MRPL38: variants seen among roughly 807,000 people sequenced by gnomAD.
MRPL38 encodes mitochondrial ribosomal protein L38, also known as large ribosomal subunit protein mL38.
MRPL38 carries 51 observed loss-of-function variants against 52.1 expected under a neutral mutation model. The observed-to-expected ratio is 0.98, with a 90% CI of 0.78 to 1.24. The LOEUF (loss-of-function observed/expected upper bound fraction) is 1.24, where lower values mean the gene tolerates loss of function less well. Ranked by LOEUF, MRPL38 falls within the 50% of genes most tolerant of loss-of-function variation. MRPL38 has a pLI of 0.00. For missense variants in MRPL38, 527 were observed against 518.6 expected, an observed-to-expected ratio of 1.02 and a Z score of -0.16; for synonymous variants, 245 against 212.7, an observed-to-expected ratio of 1.15 and a Z score of -1.32.
intron 6 of MRPL38, 137 bp from the exon 7 acceptor site, chr17:75,899,811 A>G (rs1300347093): frequency 2.9e-6 from 2 of 700,614 alleles, no homozygotes; most frequent in Non-Finnish European, 4.1e-6. Context: ...GGGACAGAGG[A>G]GGCAGCCAAG....
At chr17:75,904,271 G>A (rs1377237947) in intron 2 of MRPL38, 3 of 632,646 alleles carry the variant, frequency 4.7e-6, no homozygotes, top group South Asian at 4.5e-5. Context: ...CGGAAAGTCA[G>A]GTGGTCAAGA....
chr17:75,904,603 C>G lies in MRPL38; in HGVS notation c.184G>C (p.Glu62Gln), dbSNP rs780612268. Reference protein sequence around the residue: ...RSFDRYRRRAEQEAQAPHWWR... With the variant: ...RSFDRYRRRAQQEAQAPHWWR... ...CAGTGCGGGGCCTGCGCCTCCTGCT[C>G]TGCTCGGCGCCGGTAGCGGTCGAAG... The change falls in exon 2 of 9, where the codon GAG becomes CAG. Residue 62 changes from glutamate (E) to glutamine (Q), a missense_variant. Physicochemically the swap from Glu to Gln is conservative, Grantham distance 29. Coordinates refer to ENST00000309352, the MANE Select transcript of MRPL38 (RefSeq NM_032478.4). The G allele has an allele frequency of 9.6e-5, 153 of 1,592,454 alleles. No individual in the cohort carries two copies. Among genetic ancestry groups the G allele is most frequent in the Non-Finnish European group, 1.2e-5 (14 of 1,176,672 alleles).
chr17:75,904,175 C>G (rs1481823934), intron 2 of MRPL38: 3 of 489,460 alleles, frequency 6.1e-6, no homozygotes, highest in Non-Finnish European at 1.2e-5. Context: ...CGCTTACAAT[C>G]TGGGGAGAGG....
Position 75,901,721 on chromosome 17 carries a change from A to G in MRPL38, c.582T>C (p.Thr194=). The part of the protein sequence containing the change: ...LMPVYCGNEV[T]PTEAAQAPEV... ...ACAAGTGAGTGGTTACCTCGGTTGG[A>G]GTCACCTCATTGCCACAGTACACAG... is the stretch of plus-strand genomic sequence containing the variant. Residue 194 remains threonine, a synonymous_variant, in exon 4 of 9, where the codon ACT becomes ACC. Coordinates refer to ENST00000309352, the MANE Select transcript of MRPL38 (RefSeq NM_032478.4). This position sits in a 1 kb window ranked among gnomAD's most constrained non-coding sequence, Gnocchi z 5.7. The G allele has an allele frequency of 6.2e-7, 1 of 1,613,764 alleles. No homozygotes were observed.
At chr17:75,904,367 A>G in intron 2 of MRPL38, 173 bp downstream of exon 2, 1 of 759,840 alleles carries the variant, frequency 1.3e-6, no homozygotes, top group Non-Finnish European at 2.4e-6. Context: ...GGTGTGAAAA[A>G]TCCTGGGGTG....
chr17:75,900,956 C>G (rs2065401183), intron 6 of MRPL38, 26 bp downstream of exon 6: 2 of 1,609,328 alleles, frequency 1.2e-6, no homozygotes, highest in Admixed American at 1.7e-5. Context: ...GGCAGCACCC[C>G]CTACCCCCAG....
intron 1 of MRPL38, 30 bp downstream of exon 1, chr17:75,904,779 C>G (rs755764131): frequency 2.1e-6 from 2 of 951,534 alleles, no homozygotes; most frequent in Non-Finnish European, 2.8e-6. Context: ...AGCCCCCCCC[C>G]CCCCCCCCGC....
intron 2 of MRPL38, 55 bp from the exon 3 acceptor site, chr17:75,902,209 C>G: frequency 1.3e-6 from 2 of 1,530,896 alleles, no homozygotes; most frequent in Non-Finnish European, 1.8e-6. Flanking sequence ...GCAGCCTTAA[C>G]CTCCCCAACT....
rs2065403429 is a variant in MRPL38, at chr17:75,901,297, T to G, written c.592-24A>C. 1 of 1,610,218 alleles carries G rather than the reference T, an allele frequency of 6.2e-7. No individual in the cohort carries two copies. Among genetic ancestry groups the G allele is most frequent in the Admixed American group, 1.7e-5 (1 of 59,690 alleles). ...GCCTGGCAGGGTGAGAAGGAAGCTG[T>G]CAGCCCCACCAGGGACAGGCCAGCT... is the stretch of plus-strand genomic sequence containing the variant. On this transcript the variant is annotated intron_variant, in intron 4 of 8. Coordinates refer to ENST00000309352, the MANE Select transcript of MRPL38 (RefSeq NM_032478.4). This position sits in a 1 kb window ranked among gnomAD's most constrained non-coding sequence, Gnocchi z 5.7.
Position 75,899,603 on chromosome 17 carries a change from C to T in MRPL38, c.782G>A (p.Arg261Gln), listed in dbSNP as rs147320099. The T allele has an allele frequency of 7.6e-5, 122 of 1,606,404 alleles. 1 individual carries two copies. Among genetic ancestry groups the T allele is most frequent in the African/African-American group, 1.7e-4 (13 of 74,636 alleles). ...TCPYLPPFPA[R>Q]GSGIHRLAFL... is the part of the protein sequence containing the mutation. Reference sequence around the variant, plus strand: ...GGCAAGACGGTGGATGCCGGAGCCTCGGGCAGGGAAGGGGGGGAGGTAGGG... The same window carrying T: ...GGCAAGACGGTGGATGCCGGAGCCTTGGGCAGGGAAGGGGGGGAGGTAGGG... Residue 261 changes from arginine to glutamine, a missense_variant, in exon 7 of 9, where the codon CGA becomes CAA. Arg to Gln is a conservative substitution (Grantham distance 43). Coordinates refer to ENST00000309352, the MANE Select transcript of MRPL38 (RefSeq NM_032478.4).
rs746915005 is a variant in MRPL38, at chr17:75,899,618, G to GGGA, written c.764_766dup (p.Leu255dup). ...GCCGGAGCCTCGGGCAGGGAAGGGG[G>GGGA]GGAGGTAGGGACACGTCACCTGTCC... On this transcript the variant is annotated inframe_insertion, in exon 7 of 9. Transcript: ENST00000309352. The GGGA allele has an allele frequency of 3.7e-6, 6 of 1,607,294 alleles. No individual in the cohort carries two copies. In the South Asian group the frequency reaches 6.6e-5, roughly 18 times the overall value.
chr17:75,904,848 G>A lies in MRPL38; in HGVS notation c.28C>T (p.Leu10=), dbSNP rs1168250974. The A allele has an allele frequency of 2.1e-6, 3 of 1,455,644 alleles. No homozygotes were observed. Among genetic ancestry groups the A allele is most frequent in the East Asian group, 2.9e-5 (1 of 34,028 alleles). 90.2% of individuals were successfully genotyped at this position (1,455,644 alleles called of 1,614,324 possible). The part of the protein sequence containing the change: MAAPWWRAA[L]CECRRWRGFS... The stretch of plus-strand genomic sequence containing the variant: ...CCCCGCCATCTCCGACACTCGCACA[G>A]CGCGGCTCGCCACCAGGGCGCCGCC... The change falls in exon 1 of 9, where the codon CTG becomes TTG. Residue 10 remains leucine, a synonymous_variant. Transcript: ENST00000309352.
At chr17:75,904,770 G>GGGGGGGGGC in intron 1 of MRPL38, 39 bp downstream of exon 1, 1 of 500,008 alleles carries the variant, frequency 2.0e-6, no homozygotes, top group Non-Finnish European at 2.8e-6. Context: ...TCGGGCGACA[G>GGGGGGGGGC]CCCCCCCCCC....
chr17:75,899,273 G>T lies in MRPL38; in HGVS notation c.891C>A (p.Thr297=), dbSNP rs1329231200. The part of the protein sequence containing the change: ...PSPCYQLAQR[T]FRTFDFYKKH... ...TCTTGTAGAAATCAAAAGTGCGGAA[G>T]GTCCGCTGGGCCAGCTGATAGCTAT... Residue 297 remains threonine, a synonymous_variant, in exon 8 of 9, where the codon ACC becomes ACA. Transcript: ENST00000309352. The T allele has an allele frequency of 6.2e-7, 1 of 1,612,744 alleles. No homozygotes were observed. Among genetic ancestry groups the T allele is most frequent in the South Asian group, 1.1e-5 (1 of 90,888 alleles).
At chr17:75,899,331 G>A in intron 7 of MRPL38, 37 bp from the exon 8 acceptor site, 1 of 1,602,684 alleles carries the variant, frequency 6.2e-7, no homozygotes, top group Non-Finnish European at 8.5e-7. Context: ...AGTGTGGAGT[G>A]GGGCACCAGA....
intron 6 of MRPL38, chr17:75,900,697 G>T (rs1488420520): frequency 1.7e-6 from 2 of 1,162,402 alleles, no homozygotes; most frequent in Non-Finnish European, 2.2e-6. Context: ...CTCCAGCCTG[G>T]GGGACAGAGT....
chr17:75,899,586 G>C lies in MRPL38; in HGVS notation c.799C>G (p.Arg267Gly). The C allele has an allele frequency of 6.2e-7, 1 of 1,608,786 alleles. No homozygotes were observed. The highest frequency in any genetic ancestry group is 8.5e-7 in the Non-Finnish European group (1 of 1,176,908). The change falls in exon 7 of 9, where the codon CGT (arginine) becomes GGT (glycine). Residue 267 changes from arginine to glycine, a missense_variant. Transcript: ENST00000309352. Reference protein sequence around the residue: ...PFPARGSGIHRLAFLLFKQDQ... With the variant: ...PFPARGSGIHGLAFLLFKQDQ... ...TGCTTGAAGAGCAGGAAGGCAAGACGGTGGATGCCGGAGCCTCGGGCAGGG... is the reference window on the plus strand; with the variant it reads ...TGCTTGAAGAGCAGGAAGGCAAGACCGTGGATGCCGGAGCCTCGGGCAGGG...
Position 75,901,954 on chromosome 17 carries a change from G to GT in MRPL38, c.383-35dup, listed in dbSNP as rs2065406671. ...GAATAAGGCCAGTTGGGATACGGGG[G>GT]TGGGGGGGGCAGGGACACACCCTGT... is the stretch of plus-strand genomic sequence containing the variant. On this transcript the variant is annotated intron_variant, in intron 3 of 8. Coordinates refer to ENST00000309352, the MANE Select transcript of MRPL38 (RefSeq NM_032478.4). The surrounding 1 kb of genome is among the most constrained non-coding windows in gnomAD (Gnocchi z 5.7). 6.2e-7 allele frequency: 1 copy of GT among 1,606,170 alleles called. No homozygotes were observed. Among genetic ancestry groups the GT allele is most frequent in the African/African-American group, 1.3e-5 (1 of 74,790 alleles).
At chr17:75,900,292 G>A (rs1230592691) in intron 6 of MRPL38, 1 of 152,336 alleles carries the variant, frequency 6.6e-6, no homozygotes, top group African/African-American at 2.4e-5. Flanking sequence ...GGAGCGCCCA[G>A]TGGTTCAAGG....
Sources: gnomAD v4.1 joint callset for allele counts on GRCh38, gnomAD v4.1.1 for gene constraint, Gnocchi (gnomAD v3.1) non-coding constraint, MANE v1.5 for transcripts, NCBI Gene and HGNC (gene_info 2026-07-23, HGNC 2026-07-21) for gene names.